RIMBP2: variants seen among roughly 807,000 people sequenced by gnomAD.
RIMBP2 encodes the protein RIMS-binding protein 2.
RIMBP2 carries 48 observed loss-of-function variants against 118.6 expected under a neutral mutation model. That is an observed-to-expected ratio of 0.40 (90% CI 0.32 to 0.51). The LOEUF (loss-of-function observed/expected upper bound fraction) is 0.51. RIMBP2 is among the 20% of genes least tolerant of loss of function. RIMBP2 has a pLI of 0.41. For missense variants in RIMBP2, 1,551 were observed against 1,768.3 expected (o/e 0.88, Z 2.20); for synonymous variants, 762 against 742.9 (o/e 1.03, Z -0.42).
intron 1 of RIMBP2, among the ~76,000 whole-genome samples, chr12:130,699,062 A>C (rs576642399): frequency 6.6e-6 from 1 of 152,368 alleles, no homozygotes; most frequent in East Asian, 1.9e-4. Context: ...AATGGTGATC[A>C]TTAAAAAGTC....
chr12:130,526,477 G>A (rs1218539264), intron 2 of RIMBP2, among the ~76,000 whole-genome samples: 1 of 152,300 alleles, frequency 6.6e-6, no homozygotes, highest in East Asian at 1.9e-4. Flanking sequence ...CTGTACAAAG[G>A]CATTAACTTT....
At position 130,434,903 on chromosome 12, in the gene RIMBP2, AC is replaced by A; in HGVS notation, c.2107-24del. The A allele has an allele frequency of 1.3e-6, 2 of 1,591,534 alleles. No homozygotes were observed. The highest frequency in any genetic ancestry group is 8.6e-7 in the Non-Finnish European group (1 of 1,168,318). ...TAACTTGGAAAGAAAAAGGAGGCAC[AC>A]GGGTGAGGCAGGGCCACCTTCAGCT... On this transcript the variant is annotated intron_variant, in intron 13 of 22. Transcript: ENST00000690449. The surrounding 1 kb of genome is among the most constrained non-coding windows in gnomAD (Gnocchi z 5.7).
At chr12:130,417,733 T>A (rs1448439969) in intron 17 of RIMBP2, among the ~76,000 whole-genome samples, 1 of 152,188 alleles carries the variant, frequency 6.6e-6, no homozygotes. Flanking sequence ...AAAATAAAAG[T>A]TGAAAGTTTA....
intron 3 of RIMBP2, among the ~76,000 whole-genome samples, chr12:130,507,017 G>A (rs752433522): frequency 1.3e-5 from 2 of 152,138 alleles, no homozygotes; most frequent in Admixed American, 6.5e-5. Context: ...GATTGGTTCA[G>A]GGTTGCAAAT....
At chr12:130,646,046 T>TCCACCTCCCTCACCACTTCCCTCA (rs2062867995) in intron 1 of RIMBP2, among the ~76,000 whole-genome samples, 1 of 111,530 alleles carries the variant, frequency 9.0e-6, no homozygotes, top group Admixed American at 9.5e-5. Flanking sequence ...CAGTTCCCTC[T>TCCACCTCCCTCACCACTTCCCTCA]CCACCTCCCT....
At chr12:130,408,408 T>C (rs1049168410) in intron 19 of RIMBP2, among the ~76,000 whole-genome samples, 11 of 152,176 alleles carry the variant, frequency 7.2e-5, no homozygotes, top group African/African-American at 1.7e-4. Flanking sequence ...CATCCTTCCA[T>C]TGTGGTTTAG....
rs1254701754 is a variant in RIMBP2, at chr12:130,479,137, C to T, written c.-3-121G>A. 8 of 642,620 alleles carry T rather than the reference C, an allele frequency of 1.2e-5. No individual in the cohort carries two copies. The African/African-American group carries it at 1.5e-4, about 12-fold the overall frequency. The allele number at this position is 642,620 out of a possible 1,614,324, so 39.8% of individuals were successfully genotyped here. A position where few individuals can be genotyped will look rare whatever the true frequency, so the allele number is the denominator to read the frequency against. ...GTCACTCCAGAGCAGCCCCTCACCGCCCCACAGGGCACCCACCTCCGTGCT... is the reference window on the plus strand; with the variant it reads ...GTCACTCCAGAGCAGCCCCTCACCGTCCCACAGGGCACCCACCTCCGTGCT... On this transcript the variant is annotated intron_variant, in intron 4 of 22. Transcript: ENST00000690449.
intron 4 of RIMBP2, among the ~76,000 whole-genome samples, chr12:130,486,374 G>A (rs957382320): frequency 1.3e-5 from 2 of 152,094 alleles, no homozygotes; most frequent in Non-Finnish European, 2.9e-5. Context: ...GAGGGGCCAC[G>A]GCTCTATTTA....
At chr12:130,641,713 C>G (rs1316536374) in intron 1 of RIMBP2, among the ~76,000 whole-genome samples, 2 of 152,176 alleles carry the variant, frequency 1.3e-5, no homozygotes, top group Admixed American at 6.5e-5. Context: ...GGTGGCCGTG[C>G]TGAGAGCACT....
intron 1 of RIMBP2, among the ~76,000 whole-genome samples, chr12:130,649,800 C>T (rs896590419): frequency 6.6e-6 from 1 of 152,022 alleles, no homozygotes; most frequent in African/African-American, 2.4e-5. Flanking sequence ...GGAGGGGTGC[C>T]CTGCTACCCC....
intron 2 of RIMBP2, among the ~76,000 whole-genome samples, chr12:130,616,420 C>T (rs946482417): frequency 3.3e-5 from 5 of 152,142 alleles, no homozygotes; most frequent in African/African-American, 4.8e-5. Flanking sequence ...GCTCCTGGCT[C>T]GGGCCAGTGC....
chr12:130,535,740 T>TAC (rs1451218309), intron 2 of RIMBP2, among the ~76,000 whole-genome samples: 2 of 12,382 alleles, frequency 1.6e-4, no homozygotes, highest in Non-Finnish European at 2.9e-4. Flanking sequence ...TATATATACA[T>TAC]ATATATATAT....
rs529085316 is a variant in RIMBP2 at position 130,710,811 on chromosome 12, G to A, written c.-352+5411C>T. ...ACAAATGAGAATATCCCAAATGGAC[G>A]TCTTCAGGCCTCTCCCTGCTCTACC... On this transcript the variant is annotated intron_variant, in intron 1 of 22. Coordinates refer to ENST00000690449, the MANE Select transcript of RIMBP2 (RefSeq NM_001393629.1). This position sits in a 1 kb window ranked among gnomAD's most constrained non-coding sequence, Gnocchi z 4.3. Among the ~76,000 whole-genome samples the A allele has an allele frequency of 3.3e-5, 5 of 152,274 alleles. No homozygotes were observed. Among genetic ancestry groups the A allele is most frequent in the South Asian group, 2.1e-4 (1 of 4,826 alleles).
chr12:130,458,362 A>G (rs2079640823), intron 6 of RIMBP2, among the ~76,000 whole-genome samples: 2 of 152,168 alleles, frequency 1.3e-5, no homozygotes, highest in Admixed American at 1.3e-4. Flanking sequence ...CTGACATGGA[A>G]AGCATCGGAG....
chr12:130,640,918 T>C (rs2062587515), intron 1 of RIMBP2, among the ~76,000 whole-genome samples: 1 of 152,224 alleles, frequency 6.6e-6, no homozygotes, highest in South Asian at 2.1e-4. Context: ...TTTGGAAACA[T>C]TAAATTGATA....
intron 1 of RIMBP2, among the ~76,000 whole-genome samples, chr12:130,715,873 G>C (rs960768697): frequency 6.6e-6 from 1 of 151,470 alleles, no homozygotes; most frequent in African/African-American, 2.4e-5. Context: ...GCCAAACTTT[G>C]CCTGGAGGGG....
intron 2 of RIMBP2, among the ~76,000 whole-genome samples, chr12:130,610,358 T>C (rs1187984853): frequency 3.3e-5 from 5 of 152,238 alleles, no homozygotes; most frequent in Non-Finnish European, 7.3e-5. Flanking sequence ...AGGGAGGGTC[T>C]ACGCCATCTG....
chr12:130,588,355 A>G (rs1344693806), intron 2 of RIMBP2, among the ~76,000 whole-genome samples: 1 of 152,108 alleles, frequency 6.6e-6, no homozygotes, highest in Non-Finnish European at 1.5e-5. Flanking sequence ...TCACTTTAAC[A>G]TTTTCTCAAG....
intron 1 of RIMBP2, among the ~76,000 whole-genome samples, chr12:130,707,620 C>T (rs1949589258): frequency 6.6e-6 from 1 of 152,120 alleles, no homozygotes; most frequent in Admixed American, 6.6e-5. Context: ...TCAGAAGCTT[C>T]CAAGAGTGGG....
Sources: allele counts gnomAD v4.1 joint callset (sites outside exome capture counted in the v4.1 genomes callset), GRCh38; gene constraint gnomAD v4.1.1; non-coding constraint Gnocchi (gnomAD v3.1); transcripts MANE v1.5; gene names NCBI Gene and HGNC (gene_info 2026-07-23, HGNC 2026-07-21).